The following ANAPC11 variants were observed in gnomAD, a reference collection of about 807,000 sequenced individuals.
ANAPC11 encodes the protein anaphase-promoting complex subunit 11.
ANAPC11 carries 5 observed loss-of-function variants against 11.8 expected under a neutral mutation model. The observed-to-expected ratio is 0.42, with a 90% CI of 0.22 to 0.89. ANAPC11 has a LOEUF of 0.89. Ranked by LOEUF, ANAPC11 falls within the 40% of genes least tolerant of loss-of-function variation. The probability of loss-of-function intolerance (pLI) is 0.28; values close to 1 mark genes in which losing one functional copy is unlikely to be tolerated. For missense variants in ANAPC11, 68 were observed against 112.9 expected, an observed-to-expected ratio of 0.60 and a Z score of 1.80; for synonymous variants, 45 against 41.0, an observed-to-expected ratio of 1.10 and a Z score of -0.38.
chr17:81,896,344 C>G (rs1256856572), intron 3 of ANAPC11, among the ~76,000 whole-genome samples: 1 of 152,236 alleles, frequency 6.6e-6, no homozygotes, highest in South Asian at 2.1e-4. Flanking sequence ...ATCGCTTGAA[C>G]CTGGGAGGCA....
intron 1 of ANAPC11, chr17:81,892,104 C>G (rs1320363187): frequency 6.5e-6 from 1 of 153,928 alleles, no homozygotes; most frequent in Non-Finnish European, 1.4e-5. Flanking sequence ...AGACGAGCTG[C>G]GGGTTGGTTT....
chr17:81,891,016 T>C, upstream of ANAPC11: 2 of 825,136 alleles, frequency 2.4e-6, no homozygotes, highest in South Asian at 1.8e-5. Context: ...ACAACTTCAG[T>C]TCCCTTAGAC....
upstream of ANAPC11, chr17:81,891,365 C>A: frequency 8.7e-7 from 1 of 1,151,662 alleles, no homozygotes; most frequent in Non-Finnish European, 1.1e-6. Context: ...CTCCGCCGGC[C>A]GCGCCGCGGG....
chr17:81,896,689 G>T (rs1316338308), intron 3 of ANAPC11, among the ~76,000 whole-genome samples: 1 of 151,278 alleles, frequency 6.6e-6, no homozygotes, highest in Non-Finnish European at 1.5e-5. Context: ...CATATTGATT[G>T]ACAGGGTCTC....
At chr17:81,890,887 G>A (rs1168862774), upstream of ANAPC11, 3 of 1,607,690 alleles carry the variant, frequency 1.9e-6, no homozygotes, top group East Asian at 6.7e-5. Flanking sequence ...GACCCTCACG[G>A]CTACTCCGGA....
chr17:81,897,044 G>T (rs150472030), intron 3 of ANAPC11, among the ~76,000 whole-genome samples: 1,744 of 151,862 alleles, frequency 0.011, 32 homozygotes, highest in African/African-American at 0.041. Context: ...TCTGTCACCA[G>T]GGCTGGAGTG....
upstream of ANAPC11, chr17:81,890,911 C>T (rs1327535266): frequency 2.6e-6 from 4 of 1,568,042 alleles, no homozygotes; most frequent in Non-Finnish European, 2.6e-6. Flanking sequence ...TTCCTCTTCC[C>T]GGCCTGAGAG....
Position 81,899,496 on chromosome 17 carries a change from T to G in ANAPC11, c.110-424T>G, listed in dbSNP as rs1174388481. The stretch of plus-strand genomic sequence containing the variant: ...GTGCCTTGACCATTCATGTGACCTT[T>G]TTGGCATCACAGATCAAGTGTCTGC... On this transcript the variant is annotated intron_variant, in intron 3 of 3. Coordinates refer to ENST00000344877, the MANE Select transcript of ANAPC11 (RefSeq NM_001002248.3). 1.9e-6 allele frequency: 3 copies of G among 1,613,984 alleles called. No individual in the cohort carries two copies. In the East Asian group the frequency reaches 6.7e-5, roughly 36 times the overall value.
chr17:81,894,317 G>A, intron 2 of ANAPC11, 150 bp from the exon 3 acceptor site: 1 of 412,996 alleles, frequency 2.4e-6, no homozygotes, highest in Non-Finnish European at 4.3e-6. Context: ...TCCCAGGCTG[G>A]GTTCGGACTC....
intron 3 of ANAPC11, 105 bp from the exon 4 acceptor site, chr17:81,899,815 C>T: frequency 8.5e-7 from 1 of 1,180,190 alleles, no homozygotes; most frequent in South Asian, 1.5e-5. Context: ...GGCTGCAGTG[C>T]TGGAGCCACT....
chr17:81,893,881 G>A (rs2143530315), intron 2 of ANAPC11, among the ~76,000 whole-genome samples: 1 of 151,530 alleles, frequency 6.6e-6, no homozygotes, highest in East Asian at 2.0e-4. Context: ...ACAGGTGTGA[G>A]CCACAAAGCG....
chr17:81,893,875 G>A (rs2039640485), intron 2 of ANAPC11, among the ~76,000 whole-genome samples: 1 of 151,524 alleles, frequency 6.6e-6, no homozygotes, highest in African/African-American at 2.4e-5. Context: ...GGGATCACAG[G>A]TGTGAGCCAC....
intron 3 of ANAPC11, 187 bp downstream of exon 3, chr17:81,894,773 A>G (rs936885697): frequency 1.1e-5 from 5 of 443,804 alleles, no homozygotes; most frequent in African/African-American, 4.3e-5. Flanking sequence ...GCTGGAGTGC[A>G]ATGGCGCGAT....
intron 3 of ANAPC11, 155 bp downstream of exon 3, chr17:81,894,741 G>A (rs1251832793): frequency 1.1e-5 from 5 of 447,912 alleles, no homozygotes; most frequent in South Asian, 4.1e-5. Flanking sequence ...TTTTGAGACC[G>A]AGTTTCGATC....
chr17:81,891,590 C>A, upstream of ANAPC11: 3 of 1,416,298 alleles, frequency 2.1e-6, no homozygotes, highest in Non-Finnish European at 2.8e-6. Context: ...TCGGCTCGAG[C>A]CCGCGCGTCA....
chr17:81,896,361 G>T (rs1195684431), intron 3 of ANAPC11, among the ~76,000 whole-genome samples: 1 of 152,158 alleles, frequency 6.6e-6, no homozygotes, highest in Non-Finnish European at 1.5e-5. Flanking sequence ...GGCAGATGTT[G>T]TGGTGAGCCA....
upstream of ANAPC11, chr17:81,891,403 C>G: frequency 9.4e-7 from 1 of 1,066,692 alleles, no homozygotes; most frequent in Non-Finnish European, 1.1e-6. Flanking sequence ...CGGATGGGCC[C>G]GCCGCCTCGA....
At chr17:81,894,715 C>CTTTTTTTTT (rs529200093) in intron 3 of ANAPC11, 129 bp downstream of exon 3, 2 of 362,522 alleles carry the variant, frequency 5.5e-6, no homozygotes, top group African/African-American at 2.6e-5. Context: ...GTTTCATTTT[C>CTTTTTTTTT]TTTTTTTTTT....
intron 3 of ANAPC11, among the ~76,000 whole-genome samples, chr17:81,895,208 C>G (rs1286091090): frequency 2.6e-5 from 4 of 152,090 alleles, no homozygotes; most frequent in Admixed American, 2.6e-4. Flanking sequence ...GCATGTGCCA[C>G]TACACCCGGC....
Sources: allele counts gnomAD v4.1 joint callset (sites outside exome capture counted in the v4.1 genomes callset), GRCh38; gene constraint gnomAD v4.1.1; transcripts MANE v1.5; gene names NCBI Gene and HGNC (gene_info 2026-07-23, HGNC 2026-07-21).